Variants in NRP2 observed in about 807,000 individuals in gnomAD.
NRP2 encodes the protein neuropilin-2.
In NRP2, 52 loss-of-function variants were observed where a neutral mutation model predicts 110.4. The ratio of observed to expected loss-of-function variants is 0.47; its 90% CI spans 0.38 to 0.59. The LOEUF (loss-of-function observed/expected upper bound fraction) is 0.59, where lower values mean the gene tolerates loss of function less well. Ranked by LOEUF, NRP2 falls within the 20% of genes least tolerant of loss-of-function variation. The pLI is 0.00. For missense variants in NRP2, 1,049 were observed against 1,203.0 expected (o/e 0.87, Z 1.89); for synonymous variants, 508 against 468.9 (o/e 1.08, Z -1.08).
chr2:205,719,585 A>C, intron 3 of NRP2, among the ~76,000 whole-genome samples: 1 of 152,078 alleles, frequency 6.6e-6, no homozygotes, highest in African/African-American at 2.4e-5. Context: ...TTTAACCATA[A>C]GTTCAAGATT....
rs1169011663 is a variant in NRP2, at chr2:205,697,584, C to T, written c.114C>T (p.Gly38=). Residue 38 remains glycine, a synonymous_variant, in exon 2 of 17, where the codon GGC becomes GGT. Transcript: ENST00000357785. Reference sequence around the variant, plus strand: ...GTCGTTTGAATTCCAAAGATGCTGGCTATATCACCTCTCCCGGTTACCCCC... The same window carrying T: ...GTCGTTTGAATTCCAAAGATGCTGGTTATATCACCTCTCCCGGTTACCCCC... ...CGGRLNSKDA[G]YITSPGYPQD... The T allele has an allele frequency of 6.2e-7, 1 of 1,613,934 alleles. No homozygotes were observed. The highest frequency in any genetic ancestry group is 8.5e-7 in the Non-Finnish European group (1 of 1,180,022).
At chr2:205,709,322 ACTCTT>A (rs1205774598) in intron 2 of NRP2, among the ~76,000 whole-genome samples, 10 of 151,898 alleles carry the variant, frequency 6.6e-5, no homozygotes, top group Non-Finnish European at 1.5e-4. Context: ...TGTGTGTGTA[ACTCTT>A]CTCTTCTCCA....
intron 8 of NRP2, among the ~76,000 whole-genome samples, chr2:205,741,429 CA>C (rs764952991): frequency 1.3e-5 from 2 of 152,108 alleles, no homozygotes; most frequent in Non-Finnish European, 2.9e-5. Context: ...GGCACGGTGG[CA>C]AGAGGGACCA....
intron 15 of NRP2, among the ~76,000 whole-genome samples, chr2:205,773,954 T>G (rs1348086840): frequency 1.3e-5 from 2 of 152,136 alleles, no homozygotes; most frequent in Non-Finnish European, 2.9e-5. Flanking sequence ...TCACCTCCCT[T>G]TTCTTGATGG....
chr2:205,687,573 C>T (rs1320872291), intron 1 of NRP2, among the ~76,000 whole-genome samples: 1 of 152,200 alleles, frequency 6.6e-6, no homozygotes, highest in Non-Finnish European at 1.5e-5. Context: ...CAAGCGGTGC[C>T]TGGTGGAATT....
chr2:205,795,500 C>CAA lies in NRP2; in HGVS notation c.*443_*444dup, dbSNP rs1478657967. 6.6e-6 allele frequency: 1 copy of CAA among 152,476 alleles called. No individual in the cohort carries two copies. The highest frequency in any genetic ancestry group is 1.5e-5 in the Non-Finnish European group (1 of 68,038). The allele number at this position is 152,476 out of a possible 1,614,324, so 9.4% of individuals were successfully genotyped here. A position where few individuals can be genotyped will look rare whatever the true frequency, so the allele number is the denominator to read the frequency against. ...TTATTCTCCGCTTTCTCTTTCTAAT[C>CAA]AACACTTGAAAAGCAAAGTGTCTTT... On this transcript the variant is annotated 3_prime_UTR_variant, in exon 17 of 17. Coordinates refer to ENST00000357785, the MANE Select transcript of NRP2 (RefSeq NM_003872.3).
rs116200044 is a variant in NRP2 at position 205,743,672 on chromosome 2, A to G, written c.1641+120A>G. ...GTCGTCATCCAACTCCTGAAATCCA[A>G]TAAAACAAATATCGTTTGAGAGATT... is the stretch of plus-strand genomic sequence containing the variant. On this transcript the variant is annotated intron_variant, in intron 9 of 16. Transcript: ENST00000357785. 9,958 of 1,481,256 alleles carry G rather than the reference A, an allele frequency of 6.7e-3. 195 individuals are homozygous for G. The African/African-American group carries it at 0.069, about 10-fold the overall frequency. The allele number at this position is 1,481,256 out of a possible 1,614,324, so 91.8% of individuals were successfully genotyped here. A position where few individuals can be genotyped will look rare whatever the true frequency, so the allele number is the denominator to read the frequency against.
chr2:205,794,499 A>G (rs1471649171), intron 16 of NRP2, among the ~76,000 whole-genome samples: 1 of 152,220 alleles, frequency 6.6e-6, no homozygotes, highest in Non-Finnish European at 1.5e-5. Flanking sequence ...TCCTCCTAAC[A>G]ACCCAGTTGA....
At chr2:205,776,532 G>T in intron 15 of NRP2, 1 of 1,603,138 alleles carries the variant, frequency 6.2e-7, no homozygotes, top group Non-Finnish European at 8.5e-7. Flanking sequence ...GCTGAGGGCC[G>T]AAGCAAGAAC....
In NRP2 at chr2:205,734,170, TTATATA is replaced by T. The variant is rs61142559; in HGVS notation, c.1146+6137_1146+6142del. On this transcript the variant is annotated intron_variant, in intron 7 of 16. Coordinates refer to ENST00000357785, the MANE Select transcript of NRP2 (RefSeq NM_003872.3). ...ACCTTCTCTTAATCTCTCTCTGTGT[TTATATA>T]TATATATATATACATATATCTATGT... is the stretch of plus-strand genomic sequence containing the variant. Among the ~76,000 whole-genome samples the T allele has an allele frequency of 3.3e-5, 5 of 149,308 alleles. No homozygotes were observed. In the South Asian group the frequency reaches 1.1e-3, roughly 32 times the overall value.
In NRP2 at chr2:205,763,882, C is replaced by T. The variant is rs765787353; in HGVS notation, c.2253C>T (p.Gly751=). 8 of 1,613,874 alleles carry T rather than the reference C, an allele frequency of 5.0e-6. No individual in the cohort carries two copies. The South Asian group carries it at 7.7e-5, about 16-fold the overall frequency. ...KLLWVIREDQ[G]GEWKHGRIIL... is the part of the protein sequence containing the mutation. ...TGTGGGTCATCCGTGAGGACCAGGG[C>T]GGCGAGTGGAAGCACGGGCGGATCA... The change falls in exon 13 of 17, where the codon GGC becomes GGT. Residue 751 remains glycine (G), a synonymous_variant. Coordinates refer to ENST00000357785, the MANE Select transcript of NRP2 (RefSeq NM_003872.3). The surrounding 1 kb of genome is among the most constrained non-coding windows in gnomAD (Gnocchi z 4.0).
At chr2:205,788,411 T>C (rs192194591) in intron 15 of NRP2, among the ~76,000 whole-genome samples, 15 of 152,284 alleles carry the variant, frequency 9.9e-5, no homozygotes, top group Admixed American at 7.2e-4. Flanking sequence ...GGGATGGGTG[T>C]TGGAGATCGG....
At chr2:205,790,650 T>TG (rs940242889) in intron 15 of NRP2, among the ~76,000 whole-genome samples, 4 of 145,944 alleles carry the variant, frequency 2.7e-5, no homozygotes, top group African/African-American at 5.4e-5. Flanking sequence ...TCTTCCATGT[T>TG]TTTTTTTTTT....
chr2:205,717,575 C>A (rs1177356129), intron 3 of NRP2, among the ~76,000 whole-genome samples: 2 of 152,220 alleles, frequency 1.3e-5, no homozygotes, highest in Non-Finnish European at 2.9e-5. Flanking sequence ...GCAAGAGTGG[C>A]AGCCCAGGCT....
At chr2:205,716,460 A>G (rs1234628871) in intron 3 of NRP2, 86 bp downstream of exon 3, 2 of 1,389,098 alleles carry the variant, frequency 1.4e-6, no homozygotes, top group South Asian at 1.2e-5. Context: ...GGCACTGGGT[A>G]AGGGTGACAG....
chr2:205,765,571 G>C lies in NRP2; in HGVS notation c.2404+1G>C. 6.2e-7 allele frequency: 1 copy of C among 1,609,186 alleles called. No homozygotes were observed. The highest frequency in any genetic ancestry group is 1.1e-5 in the South Asian group (1 of 90,964). ...GATGTCCCACTGGAGAACTGCATGG[G>C]TATGTGAATATCTGTCTCTTCATGG... On this transcript the variant is annotated splice_donor_variant, in intron 14 of 16. Transcript: ENST00000357785. LOFTEE classifies it high-confidence loss of function.
Position 205,683,232 on chromosome 2 carries a change from A to G in NRP2, c.-59A>G. 1 of 1,258,346 alleles carries G rather than the reference A, an allele frequency of 7.9e-7. No individual in the cohort carries two copies. Among genetic ancestry groups the G allele is most frequent in the East Asian group, 2.3e-5 (1 of 42,924 alleles). 77.9% of individuals were successfully genotyped at this position (1,258,346 alleles called of 1,614,324 possible). A position where few individuals can be genotyped will look rare whatever the true frequency, so the allele number is the denominator to read the frequency against. ...GGAGGAAAATAAAAGAGAGAAAAAC[A>G]CAAAGATTTAAACAAGAAACCTACG... On this transcript the variant is annotated 5_prime_UTR_variant, in exon 1 of 17. Coordinates refer to ENST00000357785, the MANE Select transcript of NRP2 (RefSeq NM_003872.3).
At position 205,724,029 on chromosome 2, in the gene NRP2, G is replaced by C. The variant is rs1160506016; in HGVS notation, c.820+89G>C. Reference sequence around the variant, plus strand: ...GAAGGGGGGCTGAGCTCTTATGAGGGAGGAGATGGGAACTCTACGGAATTT... The same window carrying C: ...GAAGGGGGGCTGAGCTCTTATGAGGCAGGAGATGGGAACTCTACGGAATTT... On this transcript the variant is annotated intron_variant, in intron 5 of 16. Transcript: ENST00000357785. The C allele has an allele frequency of 1.0e-5, 15 of 1,429,688 alleles. No homozygotes were observed. In the Admixed American group the frequency reaches 2.3e-4, roughly 22 times the overall value. 88.6% of individuals were successfully genotyped at this position (1,429,688 alleles called of 1,614,324 possible).
chr2:205,728,895 A>G (rs2057182430), intron 7 of NRP2, among the ~76,000 whole-genome samples: 1 of 152,132 alleles, frequency 6.6e-6, no homozygotes, highest in Admixed American at 6.5e-5. Flanking sequence ...CTGGAAGGAG[A>G]GTGTGATGTC....
Sources: gnomAD v4.1 joint callset for allele counts (sites outside exome capture counted in the v4.1 genomes callset) on GRCh38, gnomAD v4.1.1 for gene constraint, Gnocchi (gnomAD v3.1) non-coding constraint, MANE v1.5 for transcripts, NCBI Gene and HGNC (gene_info 2026-07-23, HGNC 2026-07-21) for gene names.